CD5: variants seen among roughly 807,000 people sequenced by gnomAD.
The protein encoded by CD5 is CD5 molecule, also known as T-cell surface glycoprotein CD5.
Under a neutral mutation model 60.3 loss-of-function variants are expected in CD5, and 36 were observed. The observed-to-expected ratio is 0.60, with a 90% CI of 0.46 to 0.79. CD5 has a LOEUF of 0.79. Ranked by LOEUF, CD5 falls within the 30% of genes least tolerant of loss-of-function variation. The probability of loss-of-function intolerance (pLI) is 0.00; values close to 1 mark genes in which losing one functional copy is unlikely to be tolerated. For synonymous variants in CD5, 230 were observed against 257.6 expected (o/e 0.89, Z 1.03); for missense variants, 540 against 630.6 (o/e 0.86, Z 1.54).
chr11:61,121,477 C>T (rs1861057803), intron 5 of CD5, 134 bp from the exon 6 acceptor site: 2 of 613,232 alleles, frequency 3.3e-6, no homozygotes, highest in East Asian at 6.5e-5. Flanking sequence ...AAGAAGGCTG[C>T]CTCTCCTGGT....
At chr11:61,101,284 G>C (rs1860679418), upstream of CD5, among the ~76,000 whole-genome samples, 1 of 108,476 alleles carries the variant, frequency 9.2e-6, no homozygotes, top group Non-Finnish European at 1.8e-5. Flanking sequence ...CATCAACATG[G>C]AGATCACACA....
At chr11:61,099,194 T>A (rs545754191), upstream of CD5, among the ~76,000 whole-genome samples, 1 of 152,234 alleles carries the variant, frequency 6.6e-6, no homozygotes, top group South Asian at 2.1e-4. Flanking sequence ...ATACCCCACA[T>A]CAACATGGAG....
intron 7 of CD5, 51 bp from the exon 8 acceptor site, chr11:61,123,832 CA>C: frequency 9.6e-7 from 1 of 1,036,658 alleles, no homozygotes; most frequent in Non-Finnish European, 1.5e-6. Context: ...TGCCTGCCCC[CA>C]CCCATACCTG....
In CD5 at chr11:61,122,963, G is replaced by A. The variant is rs1393930478; in HGVS notation, c.1156G>A (p.Ala386Thr). 1.2e-6 allele frequency: 2 copies of A among 1,614,082 alleles called. No homozygotes were observed. Among genetic ancestry groups the A allele is most frequent in the Non-Finnish European group, 8.5e-7 (1 of 1,179,954 alleles). Residue 386 changes from alanine (A) to threonine (T), a missense_variant, in exon 7 of 11, where the codon GCC becomes ACC. Physicochemically the swap from Ala to Thr is moderately conservative, Grantham distance 58. Coordinates refer to ENST00000347785, the MANE Select transcript of CD5 (RefSeq NM_014207.4). ...AAGTVASIIL[A>T]LVLLVVLLVV... ...AGGCACGGTGGCAAGCATCATCCTG[G>A]CCCTGGTGCTCCTGGTGGTGCTGCT...
chr11:61,126,182 C>T (rs894579609), intron 10 of CD5, 106 bp from the exon 11 acceptor site: 46 of 193,986 alleles, frequency 2.4e-4, no homozygotes, highest in South Asian at 5.6e-4. Flanking sequence ...TGGCTCAGGA[C>T]AGCAGCCGTC....
intron 2 of CD5, among the ~76,000 whole-genome samples, chr11:61,116,134 A>G (rs73486211): frequency 0.034 from 5,199 of 152,144 alleles, 302 homozygotes; most frequent in African/African-American, 0.12. Flanking sequence ...CGACCAGGGA[A>G]AACCTCCCCC....
intron 1 of CD5, among the ~76,000 whole-genome samples, chr11:61,110,391 G>A (rs763084488): frequency 6.6e-6 from 1 of 152,200 alleles, no homozygotes; most frequent in African/African-American, 2.4e-5. Flanking sequence ...GGGAAGGTGA[G>A]GGACTGTGGA....
At position 61,127,386 on chromosome 11, in the gene CD5, T is replaced by C. The variant is rs974617018; in HGVS notation, c.*1101T>C. ...GGAACACATCCTAAGACAGGTCCTTTCTCCACGCCATTTGATGCTGTATCT... is the reference window on the plus strand; with the variant it reads ...GGAACACATCCTAAGACAGGTCCTTCCTCCACGCCATTTGATGCTGTATCT... On this transcript the variant is annotated 3_prime_UTR_variant, in exon 11 of 11. Coordinates refer to ENST00000347785, the MANE Select transcript of CD5 (RefSeq NM_014207.4). The C allele has an allele frequency of 1.2e-5, 1 of 86,818 alleles. No individual in the cohort carries two copies. Among genetic ancestry groups the C allele is most frequent in the South Asian group, 5.0e-4 (1 of 1,982 alleles). 5.4% of individuals were successfully genotyped at this position (86,818 alleles called of 1,614,324 possible).
Position 61,118,060 on chromosome 11 carries a change from G to C in CD5, c.95-115G>C. 1 of 1,095,078 alleles carries C rather than the reference G, an allele frequency of 9.1e-7. No homozygotes were observed. Among genetic ancestry groups the C allele is most frequent in the Non-Finnish European group, 1.3e-6 (1 of 754,780 alleles). 67.8% of individuals were successfully genotyped at this position (1,095,078 alleles called of 1,614,324 possible). A position where few individuals can be genotyped will look rare whatever the true frequency, so the allele number is the denominator to read the frequency against. ...GACGAAGCTCACAAGGGGCAAGGCA[G>C]GCAGCCCACGGGGCAGGAGGGAGCT... On this transcript the variant is annotated intron_variant, in intron 2 of 10. Coordinates refer to ENST00000347785, the MANE Select transcript of CD5 (RefSeq NM_014207.4). The surrounding 1 kb of genome is among the most constrained non-coding windows in gnomAD (Gnocchi z 4.7).
chr11:61,125,301 C>A, intron 9 of CD5, 150 bp downstream of exon 9: 1 of 854,010 alleles, frequency 1.2e-6, no homozygotes, highest in South Asian at 1.7e-5. Flanking sequence ...CAGGATGCAG[C>A]AGGGGTACGG....
At chr11:61,124,375 C>T (rs1283483580) in intron 8 of CD5, among the ~76,000 whole-genome samples, 2 of 152,184 alleles carry the variant, frequency 1.3e-5, no homozygotes, top group Admixed American at 6.5e-5. Flanking sequence ...TTATCAGAAC[C>T]TTAATGGGCA....
upstream of CD5, among the ~76,000 whole-genome samples, chr11:61,099,302 C>A (rs1313167835): frequency 6.6e-6 from 1 of 151,704 alleles, no homozygotes; most frequent in East Asian, 1.9e-4. Context: ...CTCATACATA[C>A]ACCCCAACAT....
rs773801042 is a variant in CD5 at position 61,121,714 on chromosome 11, C to A, written c.909C>A (p.Ser303Arg). 1 of 1,608,966 alleles carries A rather than the reference C, an allele frequency of 6.2e-7. No homozygotes were observed. Among genetic ancestry groups the A allele is most frequent in the East Asian group, 2.2e-5 (1 of 44,718 alleles). ...CTCAGTGGGCAGCCCTGTGTGACAG[C>A]TCTTCAGCCAGGAGCTCGCTGCGGT... Reference protein sequence around the residue: ...QGAQWAALCDSSSARSSLRWE... With the variant: ...QGAQWAALCDRSSARSSLRWE... The change falls in exon 6 of 11, where the codon AGC becomes AGA. Residue 303 changes from serine (S) to arginine (R), a missense_variant. Physicochemically the swap from Ser to Arg is moderately radical, Grantham distance 110. Transcript: ENST00000347785.
At chr11:61,119,918 A>ATGGCTTGTGCCAAAGATGGGGCACT (rs1222465328) in intron 5 of CD5, among the ~76,000 whole-genome samples, 2 of 152,128 alleles carry the variant, frequency 1.3e-5, no homozygotes, top group African/African-American at 4.8e-5. Flanking sequence ...GGTAGGAATT[A>ATGGCTTGTGCCAAAGATGGGGCACT]TGGCTTGTGC....
intron 4 of CD5, 79 bp from the exon 5 acceptor site, chr11:61,119,155 T>A (rs182432078): frequency 7.2e-7 from 1 of 1,386,310 alleles, no homozygotes; most frequent in African/African-American, 1.4e-5. Flanking sequence ...TGTCCACAAG[T>A]TGGGGCCAAA....
rs770294165 is a variant in CD5, at chr11:61,118,837, G to A, written c.401-78G>A. 5 of 994,868 alleles carry A rather than the reference G, an allele frequency of 5.0e-6. No individual in the cohort carries two copies. The highest frequency in any genetic ancestry group is 7.9e-6 in the Non-Finnish European group (5 of 636,076). The allele number at this position is 994,868 out of a possible 1,614,324, so 61.6% of individuals were successfully genotyped here. The stretch of plus-strand genomic sequence containing the variant: ...AGCGGCACTCATGCCAGGAGCTCCT[G>A]GTCCTCTCAAGGCTGCTGGCTGCCC... On this transcript the variant is annotated intron_variant, in intron 3 of 10. Transcript: ENST00000347785. The surrounding 1 kb of genome is among the most constrained non-coding windows in gnomAD (Gnocchi z 4.7).
At chr11:61,114,459 C>CATACATAT (rs1160293830) in intron 1 of CD5, among the ~76,000 whole-genome samples, 6 of 151,994 alleles carry the variant, frequency 3.9e-5, no homozygotes, top group Non-Finnish European at 5.9e-5. Flanking sequence ...TACATGCATA[C>CATACATAT]ATACATACAT....
chr11:61,103,977 GA>G (rs375341044), intron 1 of CD5, among the ~76,000 whole-genome samples: 77 of 131,724 alleles, frequency 5.8e-4, no homozygotes, highest in Middle Eastern at 5.1e-3. Flanking sequence ...TTGTGGGGGG[GA>G]AAGTGTGAGT....
At chr11:61,116,705 ACAC>A (rs535500610) in intron 2 of CD5, among the ~76,000 whole-genome samples, 1,505 of 58,436 alleles carry the variant, frequency 0.026, 40 homozygotes, top group African/African-American at 0.072. Flanking sequence ...CACACCACAC[ACAC>A]CACATGCACA....
Sources: allele counts gnomAD v4.1 joint callset (sites outside exome capture counted in the v4.1 genomes callset), GRCh38; gene constraint gnomAD v4.1.1; non-coding constraint Gnocchi (gnomAD v3.1); transcripts MANE v1.5; gene names NCBI Gene and HGNC (gene_info 2026-07-23, HGNC 2026-07-21).